Variants in KIAA1328 observed in about 807,000 individuals in gnomAD.
KIAA1328 encodes the protein protein hinderin.
A neutral mutation model predicts 68.1 loss-of-function variants in KIAA1328; 52 were observed. The ratio of observed to expected loss-of-function variants is 0.76; its 90% CI spans 0.61 to 0.96. KIAA1328 has a LOEUF of 0.96. Among genes scored for constraint, KIAA1328 ranks in the 40% least tolerant of loss-of-function variants. The pLI is 0.00. For synonymous variants in KIAA1328, 232 were observed against 239.4 expected, an observed-to-expected ratio of 0.97 and a Z score of 0.28; for missense variants, 641 against 677.6, an observed-to-expected ratio of 0.95 and a Z score of 0.60.
intron 6 of KIAA1328, among the ~76,000 whole-genome samples, chr18:37,041,059 T>A (rs2151622902): frequency 6.6e-6 from 1 of 152,092 alleles, no homozygotes; most frequent in African/African-American, 2.4e-5. Flanking sequence ...AGATAACAGT[T>A]CAGTCAAGTT....
At chr18:36,899,862 A>C (rs1374038264) in intron 5 of KIAA1328, among the ~76,000 whole-genome samples, 1 of 152,024 alleles carries the variant, frequency 6.6e-6, no homozygotes, top group Non-Finnish European at 1.5e-5. Flanking sequence ...TTTAAAGAAC[A>C]AGAATTTTTA....
At chr18:37,054,171 T>C (rs918396167) in intron 6 of KIAA1328, among the ~76,000 whole-genome samples, 3 of 151,890 alleles carry the variant, frequency 2.0e-5, no homozygotes, top group African/African-American at 7.3e-5. Context: ...CAGATATAGG[T>C]TGGAATGCAG....
intron 6 of KIAA1328, among the ~76,000 whole-genome samples, chr18:36,974,199 G>A (rs2052368054): frequency 6.6e-6 from 1 of 152,096 alleles, no homozygotes; most frequent in Non-Finnish European, 1.5e-5. Context: ...AGGGGTATGA[G>A]TATAGTTTCG....
At chr18:36,891,603 C>T (rs560271888) in intron 5 of KIAA1328, among the ~76,000 whole-genome samples, 50 of 152,300 alleles carry the variant, frequency 3.3e-4, no homozygotes, top group Admixed American at 9.8e-4. Flanking sequence ...GAATAATGGC[C>T]TCCAGCTCCA....
chr18:37,073,997 C>A (rs1009621285), intron 7 of KIAA1328, among the ~76,000 whole-genome samples: 1 of 152,116 alleles, frequency 6.6e-6, no homozygotes, highest in African/African-American at 2.4e-5. Flanking sequence ...TTCTCTAACA[C>A]CACCCCAGTG....
intron 6 of KIAA1328, among the ~76,000 whole-genome samples, chr18:37,055,276 G>T (rs940225070): frequency 6.6e-5 from 10 of 152,162 alleles, no homozygotes; most frequent in African/African-American, 2.4e-4. Flanking sequence ...GCTCTAATTG[G>T]TGTCATATGA....
chr18:37,012,000 T>G (rs1260829664), intron 6 of KIAA1328, among the ~76,000 whole-genome samples: 2 of 152,138 alleles, frequency 1.3e-5, no homozygotes, highest in Non-Finnish European at 2.9e-5. Context: ...ATCAAAAGAT[T>G]GTCAGTCAGG....
At chr18:37,200,550 G>A (rs184722855) in intron 9 of KIAA1328, among the ~76,000 whole-genome samples, 92 of 152,156 alleles carry the variant, frequency 6.0e-4, no homozygotes, top group African/African-American at 1.9e-3. Context: ...GGTGGCTCAC[G>A]CCTGTAATCC....
At chr18:36,978,605 G>C (rs1198478220) in intron 6 of KIAA1328, among the ~76,000 whole-genome samples, 1 of 152,102 alleles carries the variant, frequency 6.6e-6, no homozygotes, top group East Asian at 1.9e-4. Flanking sequence ...TCTCTTTACT[G>C]TCTTCTTTTG....
intron 7 of KIAA1328, among the ~76,000 whole-genome samples, chr18:37,129,125 T>C (rs1199640706): frequency 6.6e-6 from 1 of 152,168 alleles, no homozygotes; most frequent in Non-Finnish European, 1.5e-5. Context: ...CATTGAACTT[T>C]GTATTTTAAA....
At chr18:36,857,419 C>T (rs2047420946) in intron 4 of KIAA1328, among the ~76,000 whole-genome samples, 1 of 152,174 alleles carries the variant, frequency 6.6e-6, no homozygotes, top group Non-Finnish European at 1.5e-5. Flanking sequence ...AAGCAAGCCT[C>T]TCTGCCAGTC....
intron 7 of KIAA1328, among the ~76,000 whole-genome samples, chr18:37,138,548 G>A (rs1345244217): frequency 6.6e-6 from 1 of 152,146 alleles, no homozygotes; most frequent in Non-Finnish European, 1.5e-5. Context: ...CAGGAACCAT[G>A]CCAGTGTCTT....
rs918763575 is a variant in KIAA1328, at chr18:36,840,161, C to T, written c.238-4047C>T. 3.9e-5 allele frequency among the ~76,000 whole-genome samples: 6 copies of T among 152,186 alleles called. No individual in the cohort carries two copies. The East Asian group carries it at 1.2e-3, about 29-fold the overall frequency. Reference sequence around the variant, plus strand: ...ACCTACCTTAGCCCTGAAAACTCTCCACAGCAGTTAGCTGGGACAGTTGTA... The same window carrying T: ...ACCTACCTTAGCCCTGAAAACTCTCTACAGCAGTTAGCTGGGACAGTTGTA... On this transcript the variant is annotated intron_variant, in intron 3 of 9. Transcript: ENST00000280020.
chr18:37,207,762 G>A (rs1310431455), intron 9 of KIAA1328, among the ~76,000 whole-genome samples: 1 of 152,204 alleles, frequency 6.6e-6, no homozygotes, highest in African/African-American at 2.4e-5. Context: ...GGGTCAGAGG[G>A]AGCAATTGCC....
intron 7 of KIAA1328, among the ~76,000 whole-genome samples, chr18:37,146,358 T>G (rs1353577353): frequency 1.3e-5 from 2 of 152,218 alleles, no homozygotes; most frequent in African/African-American, 4.8e-5. Context: ...TTTCTGTTCC[T>G]GCATTAGGTT....
At chr18:36,995,646 A>C (rs948522968) in intron 6 of KIAA1328, among the ~76,000 whole-genome samples, 1 of 152,236 alleles carries the variant, frequency 6.6e-6, no homozygotes, top group Non-Finnish European at 1.5e-5. Context: ...ATAAAATGAC[A>C]TGACTGCTCT....
At chr18:36,874,586 T>C (rs572959620) in intron 4 of KIAA1328, among the ~76,000 whole-genome samples, 57 of 152,330 alleles carry the variant, frequency 3.7e-4, no homozygotes, top group African/African-American at 1.3e-3. Context: ...TATTAGCCCT[T>C]TGTCAGATGG....
rs769593340 is a variant in KIAA1328 at position 37,222,088 on chromosome 18, C to G, written c.1595C>G (p.Pro532Arg). 3 of 1,613,682 alleles carry G rather than the reference C, an allele frequency of 1.9e-6. No individual in the cohort carries two copies. The highest frequency in any genetic ancestry group is 2.5e-6 in the Non-Finnish European group (3 of 1,179,798). Residue 532 changes from proline (P) to arginine (R), a missense_variant, in exon 10 of 10, where the codon CCC (proline) becomes CGC (arginine). Physicochemically the swap from Pro to Arg is moderately radical, Grantham distance 103. Coordinates refer to ENST00000280020, the MANE Select transcript of KIAA1328 (RefSeq NM_020776.3). ...PNSAPKPQRY[P>R]SREAGAWNHG... ...TCTGCGCCCAAACCTCAGCGCTATC[C>G]CTCCAGAGAAGCTGGGGCCTGGAAT...
At chr18:37,132,913 A>G (rs2058555600) in intron 7 of KIAA1328, among the ~76,000 whole-genome samples, 2 of 152,250 alleles carry the variant, frequency 1.3e-5, no homozygotes, top group African/African-American at 4.8e-5. Context: ...CAGCAATGAA[A>G]AGGAAGGAAA....
Sources: allele counts gnomAD v4.1 joint callset (sites outside exome capture counted in the v4.1 genomes callset), GRCh38; gene constraint gnomAD v4.1.1; transcripts MANE v1.5; gene names NCBI Gene and HGNC (gene_info 2026-07-23, HGNC 2026-07-21).